The following ATG4B variants were observed in gnomAD, a reference collection of about 807,000 sequenced individuals.
The protein encoded by ATG4B is cysteine protease ATG4B.
Under a neutral mutation model 56.6 loss-of-function variants are expected in ATG4B, and 29 were observed. That is an observed-to-expected ratio of 0.51 (90% CI 0.38 to 0.70). The LOEUF is 0.70. ATG4B is among the 30% of genes least tolerant of loss of function. The probability of loss-of-function intolerance (pLI) is 0.00; values close to 1 mark genes in which losing one functional copy is unlikely to be tolerated. For missense variants in ATG4B, 461 were observed against 515.5 expected (o/e 0.89, Z 1.02); for synonymous variants, 224 against 206.1 (o/e 1.09, Z -0.74).
At chr2:241,654,419 TAAAA>T (rs201525288) in intron 4 of ATG4B, 123 bp from the exon 5 acceptor site, 15,223 of 434,144 alleles carry the variant, frequency 0.035, 190 homozygotes, top group East Asian at 0.16. Flanking sequence ...AGACTCTGTT[TAAAA>T]AAAAAAAAAA....
chr2:241,644,416 G>A (rs576525473), intron 1 of ATG4B, among the ~76,000 whole-genome samples: 10 of 152,314 alleles, frequency 6.6e-5, no homozygotes, highest in Admixed American at 2.6e-4. Context: ...GATTGTGAGC[G>A]TTAGTTTTGC....
At position 241,671,875 on chromosome 2, in the gene ATG4B, ACT is replaced by A. The variant is rs1210853888; in HGVS notation, c.1109-313_1109-312del. On this transcript the variant is annotated intron_variant, in intron 12 of 12. Coordinates refer to ENST00000404914, the MANE Select transcript of ATG4B (RefSeq NM_013325.5). ...CCTCATCTCTGTCTCCCTGTGGGAA[ACT>A]CTACAAACAAGGCAATGGCAATGGA... The A allele has an allele frequency of 7.7e-6, 10 of 1,294,174 alleles. No homozygotes were observed. In the East Asian group the frequency reaches 1.0e-4, roughly 13 times the overall value. The allele number at this position is 1,294,174 out of a possible 1,614,324, so 80.2% of individuals were successfully genotyped here.
intron 7 of ATG4B, among the ~76,000 whole-genome samples, chr2:241,660,166 G>C (rs529897233): frequency 6.6e-6 from 1 of 152,274 alleles, no homozygotes; most frequent in Admixed American, 6.5e-5. Context: ...CTCCAGCCTG[G>C]CCACAGAGCG....
In ATG4B at chr2:241,668,621, G is replaced by T; in HGVS notation, c.893G>T (p.Ser298Ile). ...GATGGCTGCTTCATCCCGGACGAGA[G>T]CTTCCACTGCCAGCACCCGCCGTGC... Reference protein sequence around the residue: ...PTDGCFIPDESFHCQHPPCRM... With the variant: ...PTDGCFIPDEIFHCQHPPCRM... The change falls in exon 10 of 13, where the codon AGC (serine) becomes ATC (isoleucine). Residue 298 changes from serine to isoleucine, a missense_variant. Ser to Ile is a moderately radical substitution (Grantham distance 142, BLOSUM62 -2). Coordinates refer to ENST00000404914, the MANE Select transcript of ATG4B (RefSeq NM_013325.5). This position sits in a 1 kb window ranked among gnomAD's most constrained non-coding sequence, Gnocchi z 4.2. 6.3e-7 allele frequency: 1 copy of T among 1,586,990 alleles called. No individual in the cohort carries two copies. Among genetic ancestry groups the T allele is most frequent in the Non-Finnish European group, 8.6e-7 (1 of 1,167,042 alleles).
intron 1 of ATG4B, among the ~76,000 whole-genome samples, chr2:241,638,866 A>G (rs547415045): frequency 1.3e-5 from 2 of 152,310 alleles, no homozygotes; most frequent in Non-Finnish European, 2.9e-5. Flanking sequence ...GCAGCTGTGT[A>G]CTATTTGTTG....
intron 7 of ATG4B, among the ~76,000 whole-genome samples, chr2:241,664,061 G>A (rs1333510289): frequency 6.6e-6 from 1 of 152,052 alleles, no homozygotes. Flanking sequence ...CTCATGATCT[G>A]CCCACCTTGG....
chr2:241,669,273 C>G (rs953349697), intron 10 of ATG4B, among the ~76,000 whole-genome samples: 1 of 152,138 alleles, frequency 6.6e-6, no homozygotes, highest in Non-Finnish European at 1.5e-5. Flanking sequence ...GGCCAAAAAA[C>G]CCCCCTAGAA....
Position 241,664,091 on chromosome 2 carries a change from T to A in ATG4B, c.539-2554T>A, listed in dbSNP as rs937633109. Among the ~76,000 whole-genome samples, 25 of 152,134 alleles carry A rather than the reference T, an allele frequency of 1.6e-4. 1 individual carries two copies. Among genetic ancestry groups the A allele is most frequent in the Admixed American group, 4.6e-4 (7 of 15,282 alleles). ...CCTTGGCCTCCCAGAGTGCTGGGAT[T>A]ACAGGCGTGAGCCACCGTGCCTGGA... On this transcript the variant is annotated intron_variant, in intron 7 of 12. Coordinates refer to ENST00000404914, the MANE Select transcript of ATG4B (RefSeq NM_013325.5).
intron 5 of ATG4B, chr2:241,655,034 T>C (rs541092714): frequency 4.2e-5 from 25 of 590,922 alleles, no homozygotes; most frequent in Admixed American, 9.2e-5. Flanking sequence ...TTTTCACTTA[T>C]AGAAGGAAGT....
At chr2:241,655,467 C>T in intron 6 of ATG4B, 124 bp downstream of exon 6, 10 of 960,198 alleles carry the variant, frequency 1.0e-5, no homozygotes, top group Non-Finnish European at 1.3e-5. Flanking sequence ...TCATGGCCCT[C>T]AGAAGGTTTC....
At chr2:241,665,035 G>A (rs2068719437) in intron 7 of ATG4B, among the ~76,000 whole-genome samples, 1 of 152,164 alleles carries the variant, frequency 6.6e-6, no homozygotes, top group African/African-American at 2.4e-5. Context: ...CGGGAGGATT[G>A]CTTAAGTGCA....
rs11538896 is a variant in ATG4B at position 241,671,323 on chromosome 2, T to C, written c.1026T>C (p.Leu342=). 0.23 allele frequency: 365,505 copies of C among 1,611,966 alleles called. 42,628 individuals carry two copies. The highest frequency in any genetic ancestry group is 0.27 in the East Asian group (12,099 of 44,796). Residue 342 remains leucine (L), a synonymous_variant, in exon 12 of 13, where the codon CTT becomes CTC. Transcript: ENST00000404914. ...WCQQVKKLSL[L]GGALPMFELV... ...TGTCTCACTAACAGCTGTCTCTGCT[T>C]GGAGGTGCCCTGCCCATGTTTGAGC...
intron 1 of ATG4B, among the ~76,000 whole-genome samples, chr2:241,644,926 G>A (rs563889061): frequency 1.1e-3 from 162 of 150,838 alleles, no homozygotes; most frequent in Admixed American, 3.1e-3. Flanking sequence ...TCCAGCCTGG[G>A]TGACGAGCAA....
chr2:241,670,691 G>A (rs1389097141), intron 10 of ATG4B, 35 bp from the exon 11 acceptor site: 2 of 1,585,182 alleles, frequency 1.3e-6, no homozygotes, highest in South Asian at 2.3e-5. Context: ...TGCAGATGGG[G>A]GTGTCGTGTT....
chr2:241,653,735 G>A (rs963055196), intron 4 of ATG4B, 125 bp downstream of exon 4: 1 of 774,352 alleles, frequency 1.3e-6, no homozygotes, highest in Non-Finnish European at 2.0e-6. Context: ...GGGGTTTCTT[G>A]AGTAATGAGC....
At position 241,668,482 on chromosome 2, in the gene ATG4B, C is replaced by T. The variant is rs542411140; in HGVS notation, c.812-58C>T. Reference sequence around the variant, plus strand: ...CAGTGGGTCTGAAATGCGGCCTCCTCTGTCCCTTTCCTCTGCCGGCTCGGC... The same window carrying T: ...CAGTGGGTCTGAAATGCGGCCTCCTTTGTCCCTTTCCTCTGCCGGCTCGGC... On this transcript the variant is annotated intron_variant, in intron 9 of 12. Transcript: ENST00000404914. This position sits in a 1 kb window ranked among gnomAD's most constrained non-coding sequence, Gnocchi z 4.2. 4 of 1,573,662 alleles carry T rather than the reference C, an allele frequency of 2.5e-6. No homozygotes were observed. The highest frequency in any genetic ancestry group is 1.3e-5 in the African/African-American group (1 of 74,142).
chr2:241,651,151 G>A lies in ATG4B; in HGVS notation c.112+40G>A. The A allele has an allele frequency of 6.3e-7, 1 of 1,582,656 alleles. No individual in the cohort carries two copies. Among genetic ancestry groups the A allele is most frequent in the Non-Finnish European group, 8.6e-7 (1 of 1,159,502 alleles). ...GGAGCCCACCCTGGTCTGACCGCTTGGCCTGCAGAAGCATTTTGTGATCAC... is the reference window on the plus strand; with the variant it reads ...GGAGCCCACCCTGGTCTGACCGCTTAGCCTGCAGAAGCATTTTGTGATCAC... On this transcript the variant is annotated intron_variant, in intron 2 of 12. Coordinates refer to ENST00000404914, the MANE Select transcript of ATG4B (RefSeq NM_013325.5). The surrounding 1 kb of genome is among the most constrained non-coding windows in gnomAD (Gnocchi z 4.1).
chr2:241,664,032 A>C (rs765220068), intron 7 of ATG4B, among the ~76,000 whole-genome samples: 9 of 152,080 alleles, frequency 5.9e-5, no homozygotes, highest in Admixed American at 4.6e-4. Flanking sequence ...GTTGGCCAGG[A>C]TGGTCTTGAT....
chr2:241,638,423 T>C (rs1400229560), intron 1 of ATG4B: 3 of 152,158 alleles, frequency 2.0e-5, no homozygotes, highest in African/African-American at 7.2e-5. Context: ...CCTTTCATGC[T>C]TCCGCTCCAT....
Sources: gnomAD v4.1 joint callset for allele counts (sites outside exome capture counted in the v4.1 genomes callset) on GRCh38, gnomAD v4.1.1 for gene constraint, Gnocchi (gnomAD v3.1) non-coding constraint, MANE v1.5 for transcripts, NCBI Gene and HGNC (gene_info 2026-07-23, HGNC 2026-07-21) for gene names.